The following HADHB variants were observed in gnomAD, a reference collection of about 807,000 sequenced individuals.
The protein encoded by HADHB is trifunctional enzyme subunit beta, mitochondrial.
In HADHB, 50 loss-of-function variants were observed where a neutral mutation model predicts 61.9. The ratio of observed to expected loss-of-function variants is 0.81; its 90% CI spans 0.64 to 1.02. HADHB has a LOEUF of 1.02. Ranked by LOEUF, HADHB falls within the 50% of genes least tolerant of loss-of-function variation. The pLI is 0.00. For synonymous variants in HADHB, 191 were observed against 201.6 expected (o/e 0.95, Z 0.45); for missense variants, 504 against 586.5 (o/e 0.86, Z 1.45).
chr2:26,270,630 T>C (rs1445500317), intron 5 of HADHB, among the ~76,000 whole-genome samples: 1 of 152,166 alleles, frequency 6.6e-6, no homozygotes, highest in Non-Finnish European at 1.5e-5. Flanking sequence ...TTATTATTAG[T>C]TTCCTCTGTC....
At chr2:26,246,219 A>G (rs1286968944) in intron 1 of HADHB, among the ~76,000 whole-genome samples, 1 of 152,192 alleles carries the variant, frequency 6.6e-6, no homozygotes, top group African/African-American at 2.4e-5. Flanking sequence ...TGTAACACTT[A>G]TTATTTAGGT....
chr2:26,260,627 C>A (rs1261609632), intron 3 of HADHB: 2 of 203,894 alleles, frequency 9.8e-6, no homozygotes, highest in African/African-American at 2.3e-5. Flanking sequence ...GTTTGTCTCA[C>A]ATATTCCCTC....
chr2:26,248,456 C>G (rs1558338162), intron 1 of HADHB, among the ~76,000 whole-genome samples: 1 of 152,122 alleles, frequency 6.6e-6, no homozygotes, highest in African/African-American at 2.4e-5. Context: ...GCCACCACCC[C>G]TGGCCCACCT....
chr2:26,283,452 A>C (rs957984834), intron 12 of HADHB, among the ~76,000 whole-genome samples: 15 of 152,194 alleles, frequency 9.9e-5, no homozygotes, highest in African/African-American at 3.4e-4. Flanking sequence ...TGAACCCGAG[A>C]GGCAGAGCTT....
At chr2:26,249,846 T>A (rs563090369) in intron 1 of HADHB, among the ~76,000 whole-genome samples, 2 of 151,942 alleles carry the variant, frequency 1.3e-5, no homozygotes, top group East Asian at 3.9e-4. Context: ...GGTACCTGAA[T>A]CAATGATCTT....
At chr2:26,285,745 T>G (rs1191738332) in intron 15 of HADHB, among the ~76,000 whole-genome samples, 174 bp downstream of exon 15, 3 of 114,268 alleles carry the variant, frequency 2.6e-5, no homozygotes, top group Admixed American at 2.5e-4. Context: ...TTGGGTTTTT[T>G]TTTTTTTTTT....
Position 26,248,755 on chromosome 2 carries a change from A to C in HADHB, c.-9+3765A>C, listed in dbSNP as rs115501793. Among the ~76,000 whole-genome samples, 387 of 152,248 alleles carry C rather than the reference A, an allele frequency of 2.5e-3. 3 individuals carry two copies. The highest frequency in any genetic ancestry group is 9.0e-3 in the African/African-American group (372 of 41,542). The stretch of plus-strand genomic sequence containing the variant: ...GATACCTTGCTTTGATTTAAAAAAC[A>C]ACAACAACAACAACAAAAAGGCTGG... On this transcript the variant is annotated intron_variant, in intron 1 of 15. Coordinates refer to ENST00000317799, the MANE Select transcript of HADHB (RefSeq NM_000183.3).
At chr2:26,255,326 C>T (rs888857553) in intron 3 of HADHB, among the ~76,000 whole-genome samples, 5 of 151,784 alleles carry the variant, frequency 3.3e-5, no homozygotes, top group African/African-American at 1.2e-4. Context: ...ATGGCGAAAC[C>T]CCATCTCTAC....
intron 4 of HADHB, among the ~76,000 whole-genome samples, chr2:26,264,625 ATG>A (rs111655977): frequency 0.011 from 1,722 of 150,490 alleles, 39 homozygotes; most frequent in African/African-American, 0.038. Flanking sequence ...AAAGATACAC[ATG>A]TGTGTGTGTA....
At chr2:26,255,523 G>GA (rs1186132379) in intron 3 of HADHB, among the ~76,000 whole-genome samples, 8 of 149,594 alleles carry the variant, frequency 5.3e-5, no homozygotes, top group African/African-American at 1.5e-4. Context: ...AAGAAAGAAA[G>GA]AAAAAATCCT....
intron 3 of HADHB, among the ~76,000 whole-genome samples, chr2:26,262,195 G>A (rs1054995752): frequency 4.6e-5 from 7 of 152,092 alleles, no homozygotes; most frequent in Admixed American, 6.6e-5. Context: ...TGGTAAGGTC[G>A]TTGTTGACAT....
intron 5 of HADHB, among the ~76,000 whole-genome samples, chr2:26,272,866 T>C (rs1303793871): frequency 6.6e-6 from 1 of 151,954 alleles, no homozygotes; most frequent in East Asian, 2.0e-4. Context: ...GGTGGATCAC[T>C]TGCAGTCAGG....
intron 1 of HADHB, among the ~76,000 whole-genome samples, chr2:26,251,265 G>A (rs1366843640): frequency 6.6e-6 from 1 of 151,752 alleles, no homozygotes; most frequent in East Asian, 1.9e-4. Flanking sequence ...ATGGCTCACT[G>A]CAGCCTCGAA....
At chr2:26,280,853 CAAAAAAAAAAAA>C (rs10560210) in intron 10 of HADHB, among the ~76,000 whole-genome samples, 4 of 49,154 alleles carry the variant, frequency 8.1e-5, no homozygotes, top group Non-Finnish European at 1.4e-4. Flanking sequence ...ACTCCCATCT[CAAAAAAAAAAAA>C]AAAAAAAAAA....
intron 3 of HADHB, among the ~76,000 whole-genome samples, chr2:26,258,431 T>C (rs1421905661): frequency 2.6e-5 from 4 of 152,176 alleles, no homozygotes; most frequent in African/African-American, 9.7e-5. Flanking sequence ...TTGAGCTCGA[T>C]TAGGACGAAC....
intron 3 of HADHB, among the ~76,000 whole-genome samples, chr2:26,258,547 G>A (rs1266229279): frequency 1.3e-5 from 2 of 152,212 alleles, no homozygotes; most frequent in Admixed American, 6.5e-5. Flanking sequence ...TGCCAGATCC[G>A]AGGGGTGGAA....
chr2:26,269,880 AT>A lies in HADHB; in HGVS notation c.210-70del, dbSNP rs1401782275. The A allele has an allele frequency of 4.3e-6, 4 of 938,294 alleles. No individual in the cohort carries two copies. The African/African-American group carries it at 6.4e-5, about 15-fold the overall frequency. The allele number at this position is 938,294 out of a possible 1,614,324, so 58.1% of individuals were successfully genotyped here. ...AGCATGTGTTTGATGATCTCTGGGT[AT>A]TTCAAATAGAATGAAAATTTTTCAT... On this transcript the variant is annotated intron_variant, in intron 4 of 15. Coordinates refer to ENST00000317799, the MANE Select transcript of HADHB (RefSeq NM_000183.3).
intron 15 of HADHB, among the ~76,000 whole-genome samples, chr2:26,285,949 G>T (rs1422672543): frequency 1.3e-5 from 2 of 151,728 alleles, no homozygotes; most frequent in African/African-American, 2.4e-5. Context: ...TGTTGGCCAG[G>T]CTAGTCTCGA....
chr2:26,286,236 T>G (rs567046257), intron 15 of HADHB, among the ~76,000 whole-genome samples: 4 of 152,350 alleles, frequency 2.6e-5, no homozygotes, highest in African/African-American at 9.6e-5. Flanking sequence ...ATATATTTTC[T>G]TCTTTAATAA....
Sources: gnomAD v4.1 joint callset for allele counts (sites outside exome capture counted in the v4.1 genomes callset) on GRCh38, gnomAD v4.1.1 for gene constraint, MANE v1.5 for transcripts, NCBI Gene and HGNC (gene_info 2026-07-23, HGNC 2026-07-21) for gene names.